Variants in WNT3 observed in about 807,000 individuals in gnomAD.
The protein encoded by WNT3 is proto-oncogene Wnt-3.
Under a neutral mutation model 34.2 loss-of-function variants are expected in WNT3, and 7 were observed. The ratio of observed to expected loss-of-function variants is 0.20; its 90% confidence interval spans 0.12 to 0.38. The LOEUF is 0.38. WNT3 is among the 10% of genes least tolerant of loss of function. The probability of loss-of-function intolerance (pLI) is 1.00; values close to 1 mark genes in which losing one functional copy is unlikely to be tolerated. For missense variants in WNT3, 267 were observed against 499.8 expected (o/e 0.53, Z 4.44); for synonymous variants, 212 against 211.5 (o/e 1.00, Z -0.02).
rs2084137630 is a variant in WNT3 at position 46,802,442 on chromosome 17, AT to A, written c.80+16075del. ...CACCATGCTCGGCTAATTTTTTTGT[AT>A]TTTTAGTAGAGATGGGGTTTCACCA... On this transcript the variant is annotated intron_variant, in intron 1 of 4. Coordinates refer to ENST00000225512, the MANE Select transcript of WNT3 (RefSeq NM_030753.5). Among the ~76,000 whole-genome samples the A allele has an allele frequency of 1.3e-5, 2 of 152,024 alleles. 1 individual carries two copies. Among genetic ancestry groups the A allele is most frequent in the South Asian group, 4.2e-4 (2 of 4,808 alleles).
At chr17:46,817,002 C>T (rs1334766755) in intron 1 of WNT3, among the ~76,000 whole-genome samples, 2 of 152,202 alleles carry the variant, frequency 1.3e-5, no homozygotes, top group South Asian at 2.1e-4. Flanking sequence ...CTGGAAGCCT[C>T]AGGTTAGCCC....
chr17:46,810,137 G>A (rs1464723965), intron 1 of WNT3, among the ~76,000 whole-genome samples: 2 of 151,358 alleles, frequency 1.3e-5, no homozygotes, highest in Non-Finnish European at 2.9e-5. Flanking sequence ...CTTCCGAGTA[G>A]CTGGGATTAC....
chr17:46,789,851 G>A (rs1257038820), intron 1 of WNT3, among the ~76,000 whole-genome samples: 2 of 152,198 alleles, frequency 1.3e-5, no homozygotes, highest in East Asian at 1.9e-4. Flanking sequence ...GGCCTCACGG[G>A]GGATGCTGCG....
At chr17:46,770,085 C>T in intron 2 of WNT3, 37 bp from the exon 3 acceptor site, 6 of 1,511,298 alleles carry the variant, frequency 4.0e-6, no homozygotes, top group Non-Finnish European at 5.3e-6. Context: ...ACTCAGGACC[C>T]GGCCTGGGAG....
In WNT3 at chr17:46,789,718, C is replaced by T. The variant is rs369686523; in HGVS notation, c.81-15809G>A. 4.6e-5 allele frequency among the ~76,000 whole-genome samples: 7 copies of T among 152,332 alleles called. No individual in the cohort carries two copies. The East Asian group carries it at 1.4e-3, about 29-fold the overall frequency. On this transcript the variant is annotated intron_variant, in intron 1 of 4. Transcript: ENST00000225512. ...TGGAGTACTAAACCATGGCTGGGCA[C>T]TTTGAGGCCACAGTGCACTGGACAC...
At chr17:46,813,055 G>T (rs2084296590) in intron 1 of WNT3, among the ~76,000 whole-genome samples, 1 of 152,130 alleles carries the variant, frequency 6.6e-6, no homozygotes, top group Non-Finnish European at 1.5e-5. Flanking sequence ...AGTGTTTGGG[G>T]CGAGGTTTGG....
intron 1 of WNT3, among the ~76,000 whole-genome samples, chr17:46,817,989 C>T (rs2084374804): frequency 6.6e-6 from 1 of 152,068 alleles, no homozygotes; most frequent in Non-Finnish European, 1.5e-5. Context: ...CACCCACTCC[C>T]CTGCCCCGGG....
At chr17:46,815,321 G>A (rs2084326881) in intron 1 of WNT3, among the ~76,000 whole-genome samples, 1 of 152,230 alleles carries the variant, frequency 6.6e-6, no homozygotes, top group Non-Finnish European at 1.5e-5. Flanking sequence ...AGGGGTGTCA[G>A]TCTGAGGCCC....
At chr17:46,813,192 A>G (rs1054760443) in intron 1 of WNT3, among the ~76,000 whole-genome samples, 1 of 151,930 alleles carries the variant, frequency 6.6e-6, no homozygotes, top group Non-Finnish European at 1.5e-5. Flanking sequence ...GTAGAGTGTC[A>G]TGCTTCACAG....
intron 1 of WNT3, among the ~76,000 whole-genome samples, chr17:46,782,174 T>C (rs2059467178): frequency 6.6e-6 from 1 of 152,216 alleles, no homozygotes; most frequent in Non-Finnish European, 1.5e-5. Flanking sequence ...CCTTTGCCCT[T>C]ACCTTTCTCC....
intron 1 of WNT3, among the ~76,000 whole-genome samples, chr17:46,778,335 A>G (rs1011669355): frequency 1.3e-5 from 2 of 152,214 alleles, no homozygotes; most frequent in Non-Finnish European, 2.9e-5. Flanking sequence ...TCACTCAAAG[A>G]GTGCAGGCAA....
chr17:46,800,133 T>C (rs569468029), intron 1 of WNT3, among the ~76,000 whole-genome samples: 1 of 152,050 alleles, frequency 6.6e-6, no homozygotes, highest in East Asian at 1.9e-4. Context: ...TTATTGGAGA[T>C]GGAGTCTCAC....
Position 46,769,843 on chromosome 17 carries a change from G to A in WNT3, c.528C>T (p.Arg176=), listed in dbSNP as rs369938446. 1.2e-6 allele frequency: 2 copies of A among 1,613,362 alleles called. No homozygotes were observed. The highest frequency in any genetic ancestry group is 1.1e-5 in the South Asian group (1 of 91,068). ...CCGAGCGCGCGTCCGGCCTGTTCTC[G>A]CGCGCATCCGCGAACTCCCTGGACA... ...VLVSREFADA[R]ENRPDARSAM... The change falls in exon 3 of 5, where the codon CGC becomes CGT. Residue 176 remains arginine (R), a synonymous_variant. Coordinates refer to ENST00000225512, the MANE Select transcript of WNT3 (RefSeq NM_030753.5).
chr17:46,796,155 T>G (rs8072907), intron 1 of WNT3, among the ~76,000 whole-genome samples: 1 of 152,180 alleles, frequency 6.6e-6, no homozygotes, highest in Middle Eastern at 3.4e-3. Flanking sequence ...ATTACCACGT[T>G]TCCTTGGGAG....
chr17:46,812,105 G>C (rs532404711), intron 1 of WNT3, among the ~76,000 whole-genome samples: 5 of 152,164 alleles, frequency 3.3e-5, no homozygotes, highest in African/African-American at 7.2e-5. Flanking sequence ...GAGAAGTCCC[G>C]GGAGATGGGA....
At chr17:46,792,541 T>C (rs910566378) in intron 1 of WNT3, among the ~76,000 whole-genome samples, 1 of 152,144 alleles carries the variant, frequency 6.6e-6, no homozygotes, top group Admixed American at 6.5e-5. Context: ...TGGTGCCGTG[T>C]TGGTTTACTG....
intron 1 of WNT3, among the ~76,000 whole-genome samples, chr17:46,785,082 T>A (rs1290848266): frequency 6.6e-6 from 1 of 152,126 alleles, no homozygotes; most frequent in Non-Finnish European, 1.5e-5. Flanking sequence ...CGGCCTCCCC[T>A]TTTTGCTTTT....
intron 1 of WNT3, among the ~76,000 whole-genome samples, chr17:46,791,299 C>T (rs955902984): frequency 5.9e-5 from 9 of 152,000 alleles, no homozygotes; most frequent in African/African-American, 1.7e-4. Flanking sequence ...CTGCAACCTC[C>T]GTCTTCCAGG....
Position 46,806,470 on chromosome 17 carries a change from A to G in WNT3, c.80+12048T>C, listed in dbSNP as rs373044530. Among the ~76,000 whole-genome samples, 50 of 151,994 alleles carry G rather than the reference A, an allele frequency of 3.3e-4. No homozygotes were observed. In the East Asian group the frequency reaches 7.9e-3, roughly 24 times the overall value. ...GTGATCTGCCTGCCTTTGTCCCCCA[A>G]AGTGCCGGGGTTACAGGCGTGAGCC... On this transcript the variant is annotated intron_variant, in intron 1 of 4. Coordinates refer to ENST00000225512, the MANE Select transcript of WNT3 (RefSeq NM_030753.5).
Sources: allele counts gnomAD v4.1 joint callset (sites outside exome capture counted in the v4.1 genomes callset), GRCh38; gene constraint gnomAD v4.1.1; transcripts MANE v1.5; gene names NCBI Gene and HGNC (gene_info 2026-07-23, HGNC 2026-07-21).